The following SUGCT variants were observed in gnomAD, a reference collection of about 807,000 sequenced individuals.
SUGCT encodes succinyl-CoA:glutarate-CoA transferase, also known as succinyl-CoA:glutarate CoA-transferase.
In SUGCT, 41 loss-of-function variants were observed where a neutral mutation model predicts 55.0. That is an observed-to-expected ratio of 0.74 (90% CI 0.58 to 0.97). The LOEUF is 0.97. Among genes scored for constraint, SUGCT ranks in the 50% least tolerant of loss-of-function variants. SUGCT has a pLI of 0.00. For synonymous variants in SUGCT, 187 were observed against 200.4 expected, an observed-to-expected ratio of 0.93 and a Z score of 0.56; for missense variants, 568 against 547.8, an observed-to-expected ratio of 1.04 and a Z score of -0.37.
intron 9 of SUGCT, among the ~76,000 whole-genome samples, chr7:40,371,058 T>C (rs1224251335): frequency 6.6e-6 from 1 of 152,104 alleles, no homozygotes; most frequent in Non-Finnish European, 1.5e-5. Flanking sequence ...CCAAAGACCA[T>C]GAGTGTTTCT....
chr7:40,168,740 G>T (rs1291948804), intron 1 of SUGCT, among the ~76,000 whole-genome samples: 1 of 152,118 alleles, frequency 6.6e-6, no homozygotes, highest in African/African-American at 2.4e-5. Context: ...TTCCTTCTTC[G>T]GCGGCTAGCC....
At chr7:40,686,119 CAGT>C (rs750455724) in intron 12 of SUGCT, among the ~76,000 whole-genome samples, 508 of 152,188 alleles carry the variant, frequency 3.3e-3, no homozygotes, top group Non-Finnish European at 5.4e-3. Context: ...AAATGTGGTA[CAGT>C]TGGTTATACT....
intron 1 of SUGCT, chr7:40,153,646 CAG>C (rs945694565): frequency 1.3e-5 from 7 of 523,224 alleles, no homozygotes; most frequent in Admixed American, 7.8e-5. Context: ...ATGTGTGGAA[CAG>C]GGGCAATACC....
chr7:40,721,231 G>C (rs1274656407), intron 12 of SUGCT, among the ~76,000 whole-genome samples: 1 of 152,118 alleles, frequency 6.6e-6, no homozygotes, highest in African/African-American at 2.4e-5. Context: ...TTTAAAGGAG[G>C]GGAAGGTGTA....
chr7:40,955,025 G>A, the SUGCT span, among the ~76,000 whole-genome samples: 4 of 152,296 alleles, frequency 2.6e-5, no homozygotes, highest in Admixed American at 1.3e-4. Flanking sequence ...GTACCAAGCT[G>A]TTTTGGTTAC....
chr7:40,358,717 A>AAACAACAACAACAACAACAACAAC (rs71560193), intron 9 of SUGCT, among the ~76,000 whole-genome samples: 2 of 150,658 alleles, frequency 1.3e-5, no homozygotes, highest in African/African-American at 4.9e-5. Context: ...TCCATCTCAA[A>AAACAACAACAACAACAACAACAAC]AACAACAACA....
At chr7:40,253,074 G>A (rs1049242082) in intron 7 of SUGCT, among the ~76,000 whole-genome samples, 1 of 152,212 alleles carries the variant, frequency 6.6e-6, no homozygotes, top group Non-Finnish European at 1.5e-5. Flanking sequence ...GAGTTACATA[G>A]CATTTGAATG....
the SUGCT span, among the ~76,000 whole-genome samples, chr7:40,921,573 C>G: frequency 1.3e-5 from 2 of 152,212 alleles, no homozygotes; most frequent in Admixed American, 1.3e-4. Flanking sequence ...TCGAAGAACT[C>G]CTGGAGCTAG....
intron 12 of SUGCT, among the ~76,000 whole-genome samples, chr7:40,553,401 A>G (rs1750166126): frequency 1.3e-5 from 2 of 152,212 alleles, no homozygotes; most frequent in Admixed American, 6.5e-5. Context: ...CAGAATAGAC[A>G]TGGAAAATTG....
chr7:40,224,399 CGTGT>C (rs61318990), intron 6 of SUGCT, among the ~76,000 whole-genome samples: 56,184 of 145,228 alleles, frequency 0.39, 11,628 homozygotes, highest in Middle Eastern at 0.57. Context: ...ATAATCTGTG[CGTGT>C]GTGTGTGTGT....
At chr7:40,498,954 T>G (rs1237545444) in intron 12 of SUGCT, 1 of 412,852 alleles carries the variant, frequency 2.4e-6, no homozygotes, top group African/African-American at 2.1e-5. Flanking sequence ...TTCTGATGAT[T>G]GAAAATCCTT....
chr7:40,925,483 A>G, the SUGCT span, among the ~76,000 whole-genome samples: 2 of 152,186 alleles, frequency 1.3e-5, no homozygotes, highest in Non-Finnish European at 2.9e-5. Context: ...AAACCTTGGC[A>G]TTCTTTCAGC....
intron 12 of SUGCT, among the ~76,000 whole-genome samples, chr7:40,588,308 T>G (rs2151727447): frequency 6.6e-6 from 1 of 152,210 alleles, no homozygotes; most frequent in Non-Finnish European, 1.5e-5. Flanking sequence ...TGTATACATG[T>G]GCCATGCTGG....
At chr7:40,335,619 A>G (rs1226475788) in intron 9 of SUGCT, among the ~76,000 whole-genome samples, 2 of 152,208 alleles carry the variant, frequency 1.3e-5, no homozygotes, top group African/African-American at 4.8e-5. Context: ...ACTTTGCTGA[A>G]GTAGCTTATC....
chr7:40,583,025 T>C (rs1157378305), intron 12 of SUGCT, among the ~76,000 whole-genome samples: 1 of 152,186 alleles, frequency 6.6e-6, no homozygotes, highest in East Asian at 1.9e-4. Flanking sequence ...AAAAACTGAC[T>C]GTGAAAATAC....
chr7:40,742,112 T>C (rs576722860), intron 12 of SUGCT, among the ~76,000 whole-genome samples: 1 of 152,362 alleles, frequency 6.6e-6, no homozygotes, highest in East Asian at 1.9e-4. Flanking sequence ...GTACATTATA[T>C]GTATACACAC....
At chr7:40,278,477 A>G (rs917597498) in intron 8 of SUGCT, among the ~76,000 whole-genome samples, 4 of 152,276 alleles carry the variant, frequency 2.6e-5, no homozygotes, top group South Asian at 2.1e-4. Flanking sequence ...ACATGCACAC[A>G]TATGTTTATT....
At chr7:40,390,459 G>A (rs1223452267) in intron 9 of SUGCT, among the ~76,000 whole-genome samples, 1 of 152,082 alleles carries the variant, frequency 6.6e-6, no homozygotes, top group African/African-American at 2.4e-5. Flanking sequence ...AAATCAATGT[G>A]CAAAAATCAC....
chr7:40,274,789 A>G, intron 8 of SUGCT, 133 bp downstream of exon 8: 1 of 847,286 alleles, frequency 1.2e-6, no homozygotes, highest in East Asian at 2.7e-5. Flanking sequence ...AAACTGTTTC[A>G]TTTTGATGTA....
Sources: gnomAD v4.1 joint callset for allele counts (sites outside exome capture counted in the v4.1 genomes callset) on GRCh38, gnomAD v4.1.1 for gene constraint, MANE v1.5 for transcripts, NCBI Gene and HGNC (gene_info 2026-07-23, HGNC 2026-07-21) for gene names.